BCAS3: variants seen among roughly 807,000 people sequenced by gnomAD.
The protein encoded by BCAS3 is BCAS4/BCAS3 fusion.
Under a neutral mutation model 116.1 loss-of-function variants are expected in BCAS3, and 53 were observed. The observed-to-expected ratio is 0.46, with a 90% CI of 0.37 to 0.57. The LOEUF (loss-of-function observed/expected upper bound fraction) is 0.57. BCAS3 is among the 20% of genes least tolerant of loss of function. The probability of loss-of-function intolerance (pLI) is 0.00; values close to 1 mark genes in which losing one functional copy is unlikely to be tolerated. For synonymous variants in BCAS3, 391 were observed against 408.2 expected (o/e 0.96, Z 0.51); for missense variants, 917 against 1,165.4 (o/e 0.79, Z 3.10).
chr17:60,981,536 G>C (rs1416856419), intron 14 of BCAS3, among the ~76,000 whole-genome samples: 1 of 152,128 alleles, frequency 6.6e-6, no homozygotes, highest in Non-Finnish European at 1.5e-5. Context: ...GCCTGCCTTG[G>C]CTTTCCAAAG....
At chr17:60,840,722 A>C (rs1969176936) in intron 7 of BCAS3, among the ~76,000 whole-genome samples, 1 of 152,180 alleles carries the variant, frequency 6.6e-6, no homozygotes, top group South Asian at 2.1e-4. Flanking sequence ...TATATATAAA[A>C]AGATTCCTAA....
At chr17:60,687,948 A>G (rs2034309266) in intron 3 of BCAS3, 1 of 152,226 alleles carries the variant, frequency 6.6e-6, no homozygotes, top group Admixed American at 6.5e-5. Flanking sequence ...CAGGGAAAGC[A>G]AAAAGAGGTT....
intron 22 of BCAS3, among the ~76,000 whole-genome samples, chr17:61,167,787 A>G (rs1294398703): frequency 6.6e-6 from 1 of 152,168 alleles, no homozygotes; most frequent in Non-Finnish European, 1.5e-5. Flanking sequence ...AACAGATGGC[A>G]TTGTTTGGAA....
chr17:60,681,128 C>G (rs1178255346), intron 2 of BCAS3, among the ~76,000 whole-genome samples: 1 of 152,116 alleles, frequency 6.6e-6, no homozygotes, highest in African/African-American at 2.4e-5. Context: ...TCACCTCGGC[C>G]CAGGAGCTTG....
chr17:61,352,198 A>C lies in BCAS3; in HGVS notation c.2426-16129A>C, dbSNP rs148707656. On this transcript the variant is annotated intron_variant, in intron 22 of 23. Transcript: ENST00000407086. This position sits in a 1 kb window ranked among gnomAD's most constrained non-coding sequence, Gnocchi z 4.7. Reference sequence around the variant, plus strand: ...TGACAGGTCCATGTCCAGCTGACGTAGTAACAAGAGGTCTCTGGGCCCCTC... The same window carrying C: ...TGACAGGTCCATGTCCAGCTGACGTCGTAACAAGAGGTCTCTGGGCCCCTC... Among the ~76,000 whole-genome samples the C allele has an allele frequency of 4.8e-3, 648 of 135,100 alleles. 4 individuals are homozygous for C. The highest frequency in any genetic ancestry group is 0.016 in the African/African-American group (619 of 39,004). The allele number at this position is 135,100 out of a possible 152,430, so 88.6% of individuals were successfully genotyped here.
At chr17:61,052,781 C>T (rs963958981) in intron 19 of BCAS3, among the ~76,000 whole-genome samples, 10 of 147,212 alleles carry the variant, frequency 6.8e-5, no homozygotes, top group Admixed American at 1.4e-4. Flanking sequence ...TGTAGTGGCA[C>T]GCTCTTGGCT....
chr17:61,141,622 G>T lies in BCAS3; in HGVS notation c.2425+57058G>T, dbSNP rs529792902. ...TATGAGCTTATTAAAACTTAAACAG[G>T]CTGGGCGTGGTGGCTCACACCTGTA... On this transcript the variant is annotated intron_variant, in intron 22 of 23. Coordinates refer to ENST00000407086, the MANE Select transcript of BCAS3 (RefSeq NM_017679.5). The surrounding 1 kb of genome is among the most constrained non-coding windows in gnomAD (Gnocchi z 4.3). Among the ~76,000 whole-genome samples the T allele has an allele frequency of 1.1e-4, 16 of 152,130 alleles. No individual in the cohort carries two copies. Among genetic ancestry groups the T allele is most frequent in the Admixed American group, 8.5e-4 (13 of 15,282 alleles).
At chr17:61,382,615 C>T (rs2059660317) in intron 23 of BCAS3, among the ~76,000 whole-genome samples, 1 of 151,220 alleles carries the variant, frequency 6.6e-6, no homozygotes, top group East Asian at 2.0e-4. Flanking sequence ...GAGATTGCAC[C>T]ACTGCACTCC....
At position 61,379,557 on chromosome 17, in the gene BCAS3, C is replaced by T. The variant is rs774002950; in HGVS notation, c.2593+11063C>T. 4 of 152,218 alleles carry T rather than the reference C, an allele frequency of 2.6e-5. No individual in the cohort carries two copies. The highest frequency in any genetic ancestry group is 4.4e-5 in the Non-Finnish European group (3 of 68,078). The allele number at this position is 152,218 out of a possible 1,614,324, so 9.4% of individuals were successfully genotyped here. ...GAAGAAGGCATTTTGGAGCCCATCC[C>T]GGAAACAGCTTTCCAGCCTTGGCCT... is the stretch of plus-strand genomic sequence containing the variant. On this transcript the variant is annotated intron_variant, in intron 23 of 23. Transcript: ENST00000407086. The surrounding 1 kb of genome is among the most constrained non-coding windows in gnomAD (Gnocchi z 5.5).
chr17:60,805,075 A>T (rs1404401392), intron 6 of BCAS3, among the ~76,000 whole-genome samples: 4 of 151,226 alleles, frequency 2.6e-5, no homozygotes, highest in Non-Finnish European at 5.9e-5. Context: ...ACACACACAC[A>T]CTCACACAAT....
intron 10 of BCAS3, 132 bp downstream of exon 10, chr17:60,889,903 T>G (rs1351784544): frequency 1.1e-5 from 9 of 817,846 alleles, no homozygotes; most frequent in African/African-American, 1.7e-5. Context: ...TGCTTTGGTT[T>G]GGTTTTAATT....
chr17:60,966,637 T>A (rs1047008310), intron 14 of BCAS3, among the ~76,000 whole-genome samples: 15 of 151,502 alleles, frequency 9.9e-5, no homozygotes, highest in South Asian at 2.1e-4. Context: ...GTAAAAAAAA[T>A]TTATACTTTT....
rs1424772443 is a variant in BCAS3 at position 61,156,621 on chromosome 17, A to C, written c.2425+72057A>C. Among the ~76,000 whole-genome samples the C allele has an allele frequency of 6.6e-6, 1 of 152,120 alleles. No homozygotes were observed. The highest frequency in any genetic ancestry group is 2.4e-5 in the African/African-American group (1 of 41,420). On this transcript the variant is annotated intron_variant, in intron 22 of 23. Transcript: ENST00000407086. The surrounding 1 kb of genome is among the most constrained non-coding windows in gnomAD (Gnocchi z 4.7). ...TGTCGAGTTTCATCATTTGGTAAGA[A>C]ATTTCAGAGGGATTTTTAAATATGA...
rs1193647272 is a variant in BCAS3 at position 61,380,603 on chromosome 17, A to G, written c.2594-11374A>G. The G allele has an allele frequency of 6.3e-7, 1 of 1,586,462 alleles. No homozygotes were observed. Among genetic ancestry groups the G allele is most frequent in the Non-Finnish European group, 8.6e-7 (1 of 1,169,554 alleles). On this transcript the variant is annotated intron_variant, in intron 23 of 23. Transcript: ENST00000407086. This position sits in a 1 kb window ranked among gnomAD's most constrained non-coding sequence, Gnocchi z 4.2. Reference sequence around the variant, plus strand: ...AACGTCCTATCTTTGCCTATGTGGAAGGGGTTGTCCCGTTGCTTCTTTTGT... The same window carrying G: ...AACGTCCTATCTTTGCCTATGTGGAGGGGGTTGTCCCGTTGCTTCTTTTGT...
rs1376444096 is a variant in BCAS3, at chr17:61,365,444, C to T, written c.2426-2883C>T. Among the ~76,000 whole-genome samples, 1 of 152,156 alleles carries T rather than the reference C, an allele frequency of 6.6e-6. No individual in the cohort carries two copies. The highest frequency in any genetic ancestry group is 1.9e-4 in the East Asian group (1 of 5,170). On this transcript the variant is annotated intron_variant, in intron 22 of 23. Transcript: ENST00000407086. The surrounding 1 kb of genome is among the most constrained non-coding windows in gnomAD (Gnocchi z 4.6). The stretch of plus-strand genomic sequence containing the variant: ...TGCCTCCCAGGTTCAAATGATTCTC[C>T]TGCCTCAGCCTCTCGAGTAGCTGGG...
intron 14 of BCAS3, among the ~76,000 whole-genome samples, chr17:60,988,616 A>G (rs1395471545): frequency 6.6e-6 from 1 of 151,644 alleles, no homozygotes; most frequent in Non-Finnish European, 1.5e-5. Context: ...TCATGATTCA[A>G]TCTTGTTAGG....
intron 6 of BCAS3, among the ~76,000 whole-genome samples, chr17:60,751,542 CTTTTTTTTTTTTTTTT>C (rs535708879): frequency 5.0e-5 from 1 of 20,048 alleles, no homozygotes; most frequent in Non-Finnish European, 1.2e-3. Flanking sequence ...TTTTCTTTTT[CTTTTTTTTTTTTTTTT>C]TGAGATGGAG....
At chr17:60,726,659 G>C (rs1451730868) in intron 5 of BCAS3, among the ~76,000 whole-genome samples, 1 of 151,826 alleles carries the variant, frequency 6.6e-6, no homozygotes, top group Admixed American at 6.6e-5. Context: ...ACAGATGCCC[G>C]CCATCACGCC....
At chr17:60,828,944 G>C (rs1352174259) in intron 7 of BCAS3, among the ~76,000 whole-genome samples, 1 of 152,036 alleles carries the variant, frequency 6.6e-6, no homozygotes, top group Non-Finnish European at 1.5e-5. Flanking sequence ...AGGTGCTGTT[G>C]GTATCTAGCG....
Sources: gnomAD v4.1 joint callset for allele counts (sites outside exome capture counted in the v4.1 genomes callset) on GRCh38, gnomAD v4.1.1 for gene constraint, Gnocchi (gnomAD v3.1) non-coding constraint, MANE v1.5 for transcripts, NCBI Gene and HGNC (gene_info 2026-07-23, HGNC 2026-07-21) for gene names.